The following TMEM132D variants were observed in gnomAD, a reference collection of about 807,000 sequenced individuals.
TMEM132D encodes mature OL transmembrane protein.
In TMEM132D, 21 loss-of-function variants were observed where a neutral mutation model predicts 62.3. That is an observed-to-expected ratio of 0.34 (90% CI 0.24 to 0.49). TMEM132D has a LOEUF of 0.49. Ranked by LOEUF, TMEM132D falls within the 20% of genes least tolerant of loss-of-function variation. The pLI is 0.99. For synonymous variants in TMEM132D, 621 were observed against 575.6 expected (o/e 1.08, Z -1.13); for missense variants, 1,346 against 1,402.8 (o/e 0.96, Z 0.65).
At chr12:129,346,646 C>T (rs999684529) in intron 3 of TMEM132D, among the ~76,000 whole-genome samples, 1 of 152,160 alleles carries the variant, frequency 6.6e-6, no homozygotes, top group African/African-American at 2.4e-5. Context: ...TGAAAACCGG[C>T]ACAAGACAAG....
At chr12:129,790,604 G>T (rs1871376152) in intron 1 of TMEM132D, among the ~76,000 whole-genome samples, 1 of 152,154 alleles carries the variant, frequency 6.6e-6, no homozygotes, top group African/African-American at 2.4e-5. Flanking sequence ...GTGGAGCCTG[G>T]GGTTTTTACG....
intron 3 of TMEM132D, among the ~76,000 whole-genome samples, chr12:129,343,337 A>G (rs770514159): frequency 6.6e-6 from 1 of 150,492 alleles, no homozygotes; most frequent in Non-Finnish European, 1.5e-5. Context: ...CAGAAAAACA[A>G]CCACCGCATG....
chr12:129,384,696 G>A (rs952590704), intron 3 of TMEM132D, among the ~76,000 whole-genome samples: 1 of 152,120 alleles, frequency 6.6e-6, no homozygotes, highest in Admixed American at 6.5e-5. Context: ...GCAGACTTTG[G>A]TCCACTGCAG....
chr12:129,632,599 C>G (rs1879377097), intron 2 of TMEM132D, among the ~76,000 whole-genome samples: 1 of 152,202 alleles, frequency 6.6e-6, no homozygotes, highest in Admixed American at 6.5e-5. Context: ...GCAGACATGG[C>G]TGTCCGCTCT....
chr12:129,735,946 G>A (rs569073009), intron 1 of TMEM132D, among the ~76,000 whole-genome samples: 44 of 152,306 alleles, frequency 2.9e-4, no homozygotes, highest in South Asian at 6.2e-4. Flanking sequence ...ACAGGATGCT[G>A]ACCACCCCCA....
intron 3 of TMEM132D, among the ~76,000 whole-genome samples, chr12:129,416,694 A>G (rs916395072): frequency 6.6e-6 from 1 of 152,068 alleles, no homozygotes; most frequent in African/African-American, 2.4e-5. Context: ...TGGGTTTTTC[A>G]TAAGTATTTT....
chr12:129,151,363 C>T (rs1372904278), intron 5 of TMEM132D, among the ~76,000 whole-genome samples: 1 of 152,130 alleles, frequency 6.6e-6, no homozygotes, highest in Non-Finnish European at 1.5e-5. Context: ...TTGGGGTTGC[C>T]TTATTCTGGG....
intron 2 of TMEM132D, among the ~76,000 whole-genome samples, chr12:129,689,724 C>T (rs928207762): frequency 5.9e-5 from 9 of 152,200 alleles, no homozygotes; most frequent in African/African-American, 2.2e-4. Flanking sequence ...AATAAATTCT[C>T]ATTTTTCTTA....
chr12:129,641,343 C>T (rs1565933064), intron 2 of TMEM132D, among the ~76,000 whole-genome samples: 1 of 152,172 alleles, frequency 6.6e-6, no homozygotes, highest in South Asian at 2.1e-4. Context: ...TCTCTACCCA[C>T]CTAGAAGGTA....
chr12:129,902,788 G>A (rs1875403398), intron 1 of TMEM132D, among the ~76,000 whole-genome samples: 1 of 152,148 alleles, frequency 6.6e-6, no homozygotes, highest in East Asian at 1.9e-4. Flanking sequence ...ACACAAAATA[G>A]TATTCCCATA....
intron 3 of TMEM132D, among the ~76,000 whole-genome samples, chr12:129,379,209 A>G (rs1870867403): frequency 6.6e-6 from 1 of 152,188 alleles, no homozygotes; most frequent in South Asian, 2.1e-4. Flanking sequence ...ACACATGCAC[A>G]CACACAGAGT....
chr12:129,878,587 T>TTG (rs67796059), intron 1 of TMEM132D, among the ~76,000 whole-genome samples: 1 of 151,066 alleles, frequency 6.6e-6, no homozygotes, highest in Non-Finnish European at 1.5e-5. Flanking sequence ...TTGCTTTTTT[T>TTG]TTTTTTTAAA....
chr12:129,755,038 T>C (rs1375795900), intron 1 of TMEM132D, among the ~76,000 whole-genome samples: 1 of 152,208 alleles, frequency 6.6e-6, no homozygotes, highest in East Asian at 1.9e-4. Flanking sequence ...CTTTCAATGT[T>C]ATTGTTTCTT....
chr12:129,082,390 G>GACTT (rs999936001), intron 6 of TMEM132D, among the ~76,000 whole-genome samples: 3 of 152,218 alleles, frequency 2.0e-5, no homozygotes, highest in African/African-American at 7.2e-5. Flanking sequence ...TTCCTGGCTA[G>GACTT]ACTTGAAAAG....
chr12:129,802,942 A>C (rs1416197342), intron 1 of TMEM132D, among the ~76,000 whole-genome samples: 1 of 151,090 alleles, frequency 6.6e-6, no homozygotes, highest in Admixed American at 6.6e-5. Flanking sequence ...GAGACAAAGA[A>C]GGCCATTACA....
chr12:129,414,094 T>C (rs1872045823), intron 3 of TMEM132D, among the ~76,000 whole-genome samples: 1 of 152,236 alleles, frequency 6.6e-6, no homozygotes. Flanking sequence ...AGTTACCATG[T>C]GAGCACCCTG....
intron 2 of TMEM132D, among the ~76,000 whole-genome samples, chr12:129,635,912 A>G (rs888028708): frequency 5.3e-5 from 8 of 152,220 alleles, no homozygotes; most frequent in African/African-American, 1.9e-4. Flanking sequence ...GGTTCAGTGC[A>G]GAAACACTGG....
At chr12:129,667,340 T>A (rs951546718) in intron 2 of TMEM132D, among the ~76,000 whole-genome samples, 24 of 152,302 alleles carry the variant, frequency 1.6e-4, no homozygotes, top group African/African-American at 5.8e-4. Flanking sequence ...TTCTATAATG[T>A]TAAAAGATAA....
At chr12:129,511,031 G>T (rs1875482108) in intron 3 of TMEM132D, among the ~76,000 whole-genome samples, 1 of 152,142 alleles carries the variant, frequency 6.6e-6, no homozygotes, top group Non-Finnish European at 1.5e-5. Flanking sequence ...GGGTATTCTA[G>T]GTCTTTTGTA....
Sources: allele counts gnomAD v4.1 joint callset (sites outside exome capture counted in the v4.1 genomes callset), GRCh38; gene constraint gnomAD v4.1.1; transcripts MANE v1.5; gene names NCBI Gene and HGNC (gene_info 2026-07-23, HGNC 2026-07-21).